STAB2: variants seen among roughly 807,000 people sequenced by gnomAD.
STAB2 encodes the protein stabilin-2.
In STAB2, 288 loss-of-function variants were observed where a neutral mutation model predicts 338.1. That is an observed-to-expected ratio of 0.85 (90% CI 0.77 to 0.94). The LOEUF (loss-of-function observed/expected upper bound fraction) is 0.94, where lower values mean the gene tolerates loss of function less well. STAB2 is among the 40% of genes least tolerant of loss of function. The pLI, the probability that STAB2 is intolerant of heterozygous loss-of-function variation, is 0.00. For missense variants in STAB2, 3,141 were observed against 3,210.1 expected, an observed-to-expected ratio of 0.98 and a Z score of 0.52; for synonymous variants, 1,202 against 1,193.3, an observed-to-expected ratio of 1.01 and a Z score of -0.15.
At position 103,662,981 on chromosome 12, in the gene STAB2, AAGAG is replaced by A. The variant is rs911080992; in HGVS notation, c.2011_2014del (p.Glu671Ter). ...TCTGCCCCATCGATGTGATGAAACAAAGAGAGAGATGAAACTGGTAAGAAAACTA... is the reference window on the plus strand; with the variant it reads ...TCTGCCCCATCGATGTGATGAAACAAAGAGATGAAACTGGTAAGAAAACTA... On this transcript the variant is annotated frameshift_variant, in exon 18 of 69. Transcript: ENST00000388887. LOFTEE classifies it high-confidence loss of function. 4 of 1,614,076 alleles carry A rather than the reference AAGAG, an allele frequency of 2.5e-6. No homozygotes were observed. Among genetic ancestry groups the A allele is most frequent in the East Asian group, 2.2e-5 (1 of 44,880 alleles).
intron 30 of STAB2, among the ~76,000 whole-genome samples, 176 bp downstream of exon 30, chr12:103,690,714 C>T (rs984796969): frequency 6.6e-6 from 1 of 152,228 alleles, no homozygotes; most frequent in Non-Finnish European, 1.5e-5. Context: ...AATACATACA[C>T]ATATACACGT....
At chr12:103,718,182 T>C (rs1164526616) in intron 44 of STAB2, among the ~76,000 whole-genome samples, 1 of 152,144 alleles carries the variant, frequency 6.6e-6, no homozygotes, top group Non-Finnish European at 1.5e-5. Context: ...TAGGTAAACC[T>C]CACAGCAACT....
At chr12:103,611,943 T>C (rs367696815) in intron 3 of STAB2, among the ~76,000 whole-genome samples, 11 of 152,342 alleles carry the variant, frequency 7.2e-5, no homozygotes, top group African/African-American at 2.2e-4. Flanking sequence ...CCTTCACTTA[T>C]GAAGCTTAGT....
chr12:103,761,525 G>GAGCCTCC (rs151094809), intron 66 of STAB2, 115 bp downstream of exon 66: 20,453 of 933,192 alleles, frequency 0.022, 1,183 homozygotes, highest in East Asian at 0.15. Flanking sequence ...GAGACTGGAG[G>GAGCCTCC]AGCCTCCAGC....
intron 4 of STAB2, among the ~76,000 whole-genome samples, chr12:103,621,705 G>A (rs190642672): frequency 1.8e-4 from 27 of 152,270 alleles, no homozygotes; most frequent in Middle Eastern, 3.4e-3. Flanking sequence ...CCTGGGTGAC[G>A]GAGCGAGACT....
chr12:103,677,785 C>A (rs575083525), intron 25 of STAB2, among the ~76,000 whole-genome samples, 174 bp downstream of exon 25: 1 of 152,250 alleles, frequency 6.6e-6, no homozygotes, highest in East Asian at 1.9e-4. Context: ...ATTATCCCAT[C>A]TTATAGAAAA....
intron 22 of STAB2, among the ~76,000 whole-genome samples, chr12:103,672,823 G>A (rs1043100845): frequency 5.3e-5 from 8 of 152,240 alleles, no homozygotes; most frequent in East Asian, 1.9e-4. Flanking sequence ...AAATGATAAC[G>A]GTGATATGGA....
At chr12:103,666,203 G>C in intron 18 of STAB2, 88 bp from the exon 19 acceptor site, 11 of 1,305,768 alleles carry the variant, frequency 8.4e-6, no homozygotes, top group Admixed American at 1.7e-5. Context: ...TCCTTCACAG[G>C]GAGGGAAGCA....
intron 33 of STAB2, among the ~76,000 whole-genome samples, chr12:103,696,373 GT>G (rs1222855348): frequency 6.6e-6 from 1 of 152,140 alleles, no homozygotes; most frequent in Non-Finnish European, 1.5e-5. Flanking sequence ...TGTGCTTGCC[GT>G]GCAAATCCAG....
chr12:103,681,517 G>A (rs186635721), intron 25 of STAB2, among the ~76,000 whole-genome samples: 1 of 151,452 alleles, frequency 6.6e-6, no homozygotes, highest in East Asian at 1.9e-4. Flanking sequence ...AAAATCCTTG[G>A]TGTTTCTTGG....
intron 45 of STAB2, 39 bp downstream of exon 45, chr12:103,725,133 C>T: frequency 6.3e-7 from 1 of 1,590,338 alleles, no homozygotes; most frequent in Non-Finnish European, 8.6e-7. Context: ...AACTCTACTT[C>T]CCTAAAAATG....
intron 17 of STAB2, among the ~76,000 whole-genome samples, chr12:103,661,352 C>G (rs1874603602): frequency 6.6e-6 from 1 of 152,158 alleles, no homozygotes; most frequent in Admixed American, 6.5e-5. Context: ...GAACAAACAT[C>G]CAGCAGCACA....
chr12:103,726,652 G>A (rs2139061037), intron 46 of STAB2, among the ~76,000 whole-genome samples: 1 of 152,286 alleles, frequency 6.6e-6, no homozygotes, highest in South Asian at 2.1e-4. Flanking sequence ...AGAGAAAAAG[G>A]TGTGACTGGG....
At chr12:103,728,330 G>A (rs1470190193) in intron 47 of STAB2, among the ~76,000 whole-genome samples, 3 of 151,616 alleles carry the variant, frequency 2.0e-5, no homozygotes, top group African/African-American at 7.3e-5. Context: ...GGCTGGTCTC[G>A]AACTCCTGGC....
chr12:103,746,847 C>A, intron 58 of STAB2, 143 bp downstream of exon 58: 2 of 729,964 alleles, frequency 2.7e-6, no homozygotes, highest in Non-Finnish European at 4.7e-6. Context: ...GACTCAGTTT[C>A]TTTAATGGGT....
At chr12:103,613,405 C>G (rs1269975220) in intron 3 of STAB2, among the ~76,000 whole-genome samples, 2 of 152,198 alleles carry the variant, frequency 1.3e-5, no homozygotes, top group Non-Finnish European at 2.9e-5. Flanking sequence ...TCTCCCCCAG[C>G]CTCGCTGCCG....
intron 13 of STAB2, 183 bp downstream of exon 13, chr12:103,654,881 A>G: frequency 1.4e-6 from 1 of 734,682 alleles, no homozygotes; most frequent in East Asian, 2.8e-5. Context: ...GCAGAAAGAA[A>G]GCAAGACGTA....
chr12:103,619,848 A>T (rs113359323), intron 3 of STAB2, among the ~76,000 whole-genome samples: 2,625 of 151,802 alleles, frequency 0.017, 74 homozygotes, highest in African/African-American at 0.057. Flanking sequence ...CCCTTTTACA[A>T]TTCCAAGACC....
chr12:103,669,319 A>T, intron 20 of STAB2: 1 of 494,964 alleles, frequency 2.0e-6, no homozygotes, highest in Non-Finnish European at 3.6e-6. Flanking sequence ...GTCTGTTCGC[A>T]CAGTGTTAGA....
Sources: allele counts gnomAD v4.1 joint callset (sites outside exome capture counted in the v4.1 genomes callset), GRCh38; gene constraint gnomAD v4.1.1; transcripts MANE v1.5; gene names NCBI Gene and HGNC (gene_info 2026-07-23, HGNC 2026-07-21).